KCNQ2: variants seen among roughly 807,000 people sequenced by gnomAD.
KCNQ2 encodes potassium voltage-gated channel subfamily Q member 2.
Under a neutral mutation model 84.8 loss-of-function variants are expected in KCNQ2, and 14 were observed. That is an observed-to-expected ratio of 0.17 (90% confidence interval 0.11 to 0.26). The LOEUF (loss-of-function observed/expected upper bound fraction) is 0.26, where lower values mean the gene tolerates loss of function less well. KCNQ2 is among the 10% of genes least tolerant of loss of function. The probability of loss-of-function intolerance (pLI) is 1.00; values close to 1 mark genes in which losing one functional copy is unlikely to be tolerated. For missense variants in KCNQ2, 788 were observed against 1,254.0 expected (o/e 0.63, Z 5.61); for synonymous variants, 599 against 554.1 (o/e 1.08, Z -1.14).
chr20:63,446,694 A>T lies in KCNQ2; in HGVS notation c.387+53T>A. 6.9e-7 allele frequency: 1 copy of T among 1,448,194 alleles called. No individual in the cohort carries two copies. The highest frequency in any genetic ancestry group is 9.7e-7 in the Non-Finnish European group (1 of 1,030,036). 89.7% of individuals were successfully genotyped at this position (1,448,194 alleles called of 1,614,324 possible). On this transcript the variant is annotated intron_variant, in intron 2 of 16. Coordinates refer to ENST00000359125, the MANE Select transcript of KCNQ2 (RefSeq NM_172107.4). This position sits in a 1 kb window ranked among gnomAD's most constrained non-coding sequence, Gnocchi z 5.5. ...AGGAACGGAAGACAGACGCCCAGGC[A>T]GCTCCAGCTCCTTCCTGGGCACTTC... is the stretch of plus-strand genomic sequence containing the variant.
At chr20:63,457,251 C>T (rs2081827639) in intron 1 of KCNQ2, among the ~76,000 whole-genome samples, 1 of 152,272 alleles carries the variant, frequency 6.6e-6, no homozygotes, top group Non-Finnish European at 1.5e-5. Flanking sequence ...ATGCTGAGCA[C>T]TGCGTGGCTT....
At position 63,445,172 on chromosome 20, in the gene KCNQ2, C is replaced by G. The variant is rs1032420579; in HGVS notation, c.514+66G>C. 6.3e-5 allele frequency: 101 copies of G among 1,610,814 alleles called. No individual in the cohort carries two copies. The South Asian group carries it at 8.1e-4, about 13-fold the overall frequency. ...CCCACGCAGACGCCCCAGCTCCCCC[C>G]AGGGCTGAGTCCGTCCCTGGGTGCC... On this transcript the variant is annotated intron_variant, in intron 3 of 16. Transcript: ENST00000359125.
chr20:63,430,209 G>A (rs2080751730), intron 9 of KCNQ2, among the ~76,000 whole-genome samples: 1 of 152,320 alleles, frequency 6.6e-6, no homozygotes, highest in East Asian at 1.9e-4. Flanking sequence ...ACGGAGCTGT[G>A]GGACGAGGGT....
intron 11 of KCNQ2, among the ~76,000 whole-genome samples, chr20:63,421,652 C>T (rs556503300): frequency 3.1e-4 from 47 of 152,256 alleles, no homozygotes; most frequent in African/African-American, 1.1e-3. Flanking sequence ...CACGCGGACA[C>T]GTGTGCTTGA....
chr20:63,421,219 G>A (rs550458017), intron 11 of KCNQ2, among the ~76,000 whole-genome samples: 104 of 152,330 alleles, frequency 6.8e-4, no homozygotes, highest in Non-Finnish European at 1.2e-3. Flanking sequence ...CCTGCCGCCC[G>A]ATTCTGCAAT....
intron 1 of KCNQ2, among the ~76,000 whole-genome samples, chr20:63,454,971 ACAGCCCACCACGGGGCACT>A (rs1229347423): frequency 6.6e-6 from 1 of 152,208 alleles, no homozygotes; most frequent in East Asian, 1.9e-4. Flanking sequence ...GCTGGGGGAC[ACAGCCCACCACGGGGCACT>A]CAGCTGAGGT....
chr20:63,435,162 G>A (rs2080956148), intron 7 of KCNQ2, among the ~76,000 whole-genome samples: 1 of 152,186 alleles, frequency 6.6e-6, no homozygotes, highest in Admixed American at 6.5e-5. Flanking sequence ...GCTGAAGCAG[G>A]TGGATCGCCT....
chr20:63,466,257 G>C (rs544696240), intron 1 of KCNQ2, among the ~76,000 whole-genome samples: 1 of 151,844 alleles, frequency 6.6e-6, no homozygotes, highest in Non-Finnish European at 1.5e-5. Context: ...GCTCGAGCCC[G>C]GGCCCCGCGC....
intron 8 of KCNQ2, chr20:63,433,356 G>A (rs1215455702): frequency 4.0e-6 from 1 of 251,182 alleles, no homozygotes; most frequent in East Asian, 1.1e-4. Context: ...CTGTGATCCG[G>A]GGTTACTTTC....
At chr20:63,444,969 T>C in intron 3 of KCNQ2, 135 bp from the exon 4 acceptor site, 3 of 1,084,520 alleles carry the variant, frequency 2.8e-6, no homozygotes, top group South Asian at 1.6e-5. Flanking sequence ...GTGTGGGCTC[T>C]GTCAGGCCCC....
In KCNQ2 at chr20:63,408,068, G is replaced by A. The variant is rs1056041531; in HGVS notation, c.1887+345C>T. On this transcript the variant is annotated intron_variant, in intron 16 of 16. Transcript: ENST00000359125. The surrounding 1 kb of genome is among the most constrained non-coding windows in gnomAD (Gnocchi z 5.0). ...CCCAGAAGACAGCGGCCAGGGTGTCGGGCAAGGAGGACAGAGAGGAGGAAG... is the reference window on the plus strand; with the variant it reads ...CCCAGAAGACAGCGGCCAGGGTGTCAGGCAAGGAGGACAGAGAGGAGGAAG... 16 of 339,014 alleles carry A rather than the reference G, an allele frequency of 4.7e-5. No individual in the cohort carries two copies. Among genetic ancestry groups the A allele is most frequent in the Non-Finnish European group, 8.0e-5 (14 of 175,604 alleles). 21.0% of individuals were successfully genotyped at this position (339,014 alleles called of 1,614,324 possible).
rs772936504 is a variant in KCNQ2 at position 63,438,423 on chromosome 20, C to T, written c.1023+202G>A. 33 of 640,004 alleles carry T rather than the reference C, an allele frequency of 5.2e-5. No homozygotes were observed. The highest frequency in any genetic ancestry group is 6.5e-5 in the Non-Finnish European group (23 of 353,156). The allele number at this position is 640,004 out of a possible 1,614,324, so 39.6% of individuals were successfully genotyped here. On this transcript the variant is annotated intron_variant, in intron 7 of 16. Transcript: ENST00000359125. The surrounding 1 kb of genome is among the most constrained non-coding windows in gnomAD (Gnocchi z 5.1). ...CACCCCAGCGTCCTCACACGAGCCA[C>T]CCCTGTGCAGCCTCAGGGGTTGGAG...
At chr20:63,443,370 TCACCAC>T (rs1568937484) in intron 4 of KCNQ2, among the ~76,000 whole-genome samples, 1 of 38,352 alleles carries the variant, frequency 2.6e-5, no homozygotes, top group Non-Finnish European at 4.8e-5. Flanking sequence ...ATCACCATCA[TCACCAC>T]CATCATCACC....
At chr20:63,409,424 C>T (rs1036401621) in intron 15 of KCNQ2, among the ~76,000 whole-genome samples, 4 of 152,216 alleles carry the variant, frequency 2.6e-5, no homozygotes, top group South Asian at 2.1e-4. Context: ...CCCTCAGGGA[C>T]GGGGGCTTCT....
intron 1 of KCNQ2, among the ~76,000 whole-genome samples, chr20:63,458,731 T>C (rs1466040330): frequency 6.6e-6 from 1 of 152,072 alleles, no homozygotes; most frequent in Non-Finnish European, 1.5e-5. Flanking sequence ...TCTCCCCACA[T>C]CCAGGCAGGC....
chr20:63,411,249 G>A (rs1282291283), intron 15 of KCNQ2, among the ~76,000 whole-genome samples: 1 of 152,228 alleles, frequency 6.6e-6, no homozygotes, highest in Admixed American at 6.5e-5. Context: ...CCACGAGAGG[G>A]AAGAGACACA....
intron 11 of KCNQ2, among the ~76,000 whole-genome samples, chr20:63,421,219 G>T (rs550458017): frequency 6.6e-6 from 1 of 152,212 alleles, no homozygotes. Flanking sequence ...CCTGCCGCCC[G>T]ATTCTGCAAT....
intron 11 of KCNQ2, chr20:63,423,793 G>A: frequency 3.6e-6 from 1 of 278,602 alleles, no homozygotes; most frequent in Non-Finnish European, 6.9e-6. Flanking sequence ...ACCCCAGCCG[G>A]CGTCGACTCA....
chr20:63,448,386 G>A (rs2282149), intron 1 of KCNQ2: 14,758 of 152,364 alleles, frequency 0.097, 1,295 homozygotes, highest in East Asian at 0.46. Flanking sequence ...CGTTCCAACC[G>A]TGCTCAGAAC....
Sources: allele counts gnomAD v4.1 joint callset (sites outside exome capture counted in the v4.1 genomes callset), GRCh38; gene constraint gnomAD v4.1.1; non-coding constraint Gnocchi (gnomAD v3.1); transcripts MANE v1.5; gene names NCBI Gene and HGNC (gene_info 2026-07-23, HGNC 2026-07-21).